TMEM266: variants seen among roughly 807,000 people sequenced by gnomAD.
TMEM266 encodes transmembrane protein 266, also known as Hv1 related protein 1.
Under a neutral mutation model 50.5 loss-of-function variants are expected in TMEM266, and 33 were observed. The ratio of observed to expected loss-of-function variants is 0.65; its 90% CI spans 0.50 to 0.87. TMEM266 has a LOEUF of 0.87. Among genes scored for constraint, TMEM266 ranks in the 40% least tolerant of loss-of-function variants. The pLI, the probability that TMEM266 is intolerant of heterozygous loss-of-function variation, is 0.00. For missense variants in TMEM266, 655 were observed against 695.1 expected, an observed-to-expected ratio of 0.94 and a Z score of 0.65; for synonymous variants, 310 against 292.3, an observed-to-expected ratio of 1.06 and a Z score of -0.62.
chr15:76,103,896 G>A (rs138963084), intron 1 of TMEM266, among the ~76,000 whole-genome samples: 40 of 138,564 alleles, frequency 2.9e-4, no homozygotes, highest in African/African-American at 1.1e-3. Flanking sequence ...TAGCGACGGA[G>A]CGAGACTCCA....
intron 3 of TMEM266, among the ~76,000 whole-genome samples, chr15:76,140,008 C>G (rs1232955717): frequency 6.6e-6 from 1 of 152,248 alleles, no homozygotes; most frequent in Non-Finnish European, 1.5e-5. Flanking sequence ...CCAAGGCTGG[C>G]AGAGGCTTTG....
intron 3 of TMEM266, among the ~76,000 whole-genome samples, chr15:76,140,500 T>C (rs1348149170): frequency 1.3e-5 from 2 of 152,212 alleles, no homozygotes; most frequent in Non-Finnish European, 2.9e-5. Flanking sequence ...GCCAGTGTTA[T>C]GTATAGGAAT....
intron 1 of TMEM266, among the ~76,000 whole-genome samples, chr15:76,075,342 A>T (rs2036590054): frequency 6.6e-6 from 1 of 152,126 alleles, no homozygotes; most frequent in Admixed American, 6.5e-5. Context: ...GGAAATTGAG[A>T]AAGAACATTC....
intron 10 of TMEM266, among the ~76,000 whole-genome samples, chr15:76,203,335 C>T (rs995439087): frequency 3.3e-5 from 5 of 152,182 alleles, no homozygotes. Flanking sequence ...GCCACAAAAG[C>T]CCACTGTAGG....
chr15:76,202,950 C>T (rs1489059468), intron 10 of TMEM266, among the ~76,000 whole-genome samples: 1 of 152,066 alleles, frequency 6.6e-6, no homozygotes, highest in Non-Finnish European at 1.5e-5. Context: ...CATCCCTCTT[C>T]TCTCCTCCCT....
intron 5 of TMEM266, among the ~76,000 whole-genome samples, chr15:76,166,233 CG>C (rs906502247): frequency 6.6e-6 from 1 of 151,520 alleles, no homozygotes; most frequent in Non-Finnish European, 1.5e-5. Flanking sequence ...AAGGATGCTG[CG>C]GGGGGGAAAA....
chr15:76,095,352 T>C (rs1479420178), intron 1 of TMEM266, among the ~76,000 whole-genome samples: 1 of 152,150 alleles, frequency 6.6e-6, no homozygotes, highest in Non-Finnish European at 1.5e-5. Context: ...AAAGGCCTTT[T>C]CTGCATCTAT....
intron 3 of TMEM266, among the ~76,000 whole-genome samples, chr15:76,151,751 C>T (rs1158679452): frequency 6.6e-6 from 1 of 152,150 alleles, no homozygotes; most frequent in Non-Finnish European, 1.5e-5. Context: ...TTGTTCTCAC[C>T]CAAAGCACCT....
In TMEM266 at chr15:76,203,798, A is replaced by C. The variant is rs200903166; in HGVS notation, c.1079A>C (p.His360Pro). The change falls in exon 11 of 11, where the codon CAC becomes CCC. Residue 360 changes from histidine (H) to proline (P), a missense_variant. Transcript: ENST00000388942. ...GTCACCACGGCCGCAATAGACATTC[A>C]CCAGCCCAACATCTCCTCGGACCTC... 1 of 1,614,152 alleles carries C rather than the reference A, an allele frequency of 6.2e-7. No individual in the cohort carries two copies. Among genetic ancestry groups the C allele is most frequent in the Admixed American group, 1.7e-5 (1 of 60,024 alleles).
At chr15:76,086,877 A>G (rs1433561843) in intron 1 of TMEM266, among the ~76,000 whole-genome samples, 2 of 149,706 alleles carry the variant, frequency 1.3e-5, no homozygotes, top group African/African-American at 2.5e-5. Context: ...GAGGGGACCA[A>G]TCAGAGGTAC....
rs1353315028 is a variant in TMEM266 at position 76,191,652 on chromosome 15, C to T, written c.769-316C>T. On this transcript the variant is annotated intron_variant, in intron 8 of 10. Coordinates refer to ENST00000388942, the MANE Select transcript of TMEM266 (RefSeq NM_152335.3). ...GCTAGAACTGAATTTGCACCCAGGG[C>T]TCCTGACTCCCCGTCCAGTGGCCTT... 4 of 293,352 alleles carry T rather than the reference C, an allele frequency of 1.4e-5. No individual in the cohort carries two copies. The Admixed American group carries it at 1.6e-4, about 12-fold the overall frequency. The allele number at this position is 293,352 out of a possible 1,614,324, so 18.2% of individuals were successfully genotyped here. A position where few individuals can be genotyped will look rare whatever the true frequency, so the allele number is the denominator to read the frequency against.
intron 2 of TMEM266, 149 bp from the exon 3 acceptor site, chr15:76,137,558 G>A (rs566493500): frequency 2.0e-5 from 15 of 748,544 alleles, no homozygotes; most frequent in Non-Finnish European, 3.0e-5. Flanking sequence ...CCTCGGGTCC[G>A]CGGGTGGCCA....
chr15:76,141,383 G>A (rs1248437801), intron 3 of TMEM266, among the ~76,000 whole-genome samples: 3 of 151,690 alleles, frequency 2.0e-5, no homozygotes, highest in Admixed American at 6.6e-5. Context: ...TTACAGACGC[G>A]TGCAATCATG....
intron 3 of TMEM266, 59 bp downstream of exon 3, chr15:76,137,954 G>T (rs2037617216): frequency 6.1e-6 from 9 of 1,478,720 alleles, no homozygotes; most frequent in African/African-American, 1.4e-5. Context: ...AGGCGCGGTG[G>T]CTCACGCCTG....
intron 1 of TMEM266, among the ~76,000 whole-genome samples, chr15:76,097,999 C>T (rs1419240045): frequency 2.6e-5 from 4 of 151,994 alleles, no homozygotes; most frequent in Non-Finnish European, 5.9e-5. Context: ...AGGAATTCGT[C>T]TAACCTTTTT....
Position 76,169,342 on chromosome 15 carries a change from G to A in TMEM266, c.457-474G>A, listed in dbSNP as rs186452798. On this transcript the variant is annotated intron_variant, in intron 5 of 10. Transcript: ENST00000388942. The stretch of plus-strand genomic sequence containing the variant: ...AAGGAGGGAGGAGATTTGGGGTCGG[G>A]GAGTGGAGAAGGGAGTCAACTGCGT... Among the ~76,000 whole-genome samples the A allele has an allele frequency of 2.6e-4, 39 of 152,194 alleles. No homozygotes were observed. The East Asian group carries it at 5.0e-3, about 20-fold the overall frequency.
At chr15:76,101,892 C>A (rs2037006421) in intron 1 of TMEM266, among the ~76,000 whole-genome samples, 1 of 152,234 alleles carries the variant, frequency 6.6e-6, no homozygotes, top group African/African-American at 2.4e-5. Context: ...GGACTGCCCT[C>A]CATTGGACGG....
intron 3 of TMEM266, among the ~76,000 whole-genome samples, chr15:76,140,910 A>G (rs1000117433): frequency 6.6e-6 from 1 of 150,888 alleles, no homozygotes; most frequent in African/African-American, 2.4e-5. Flanking sequence ...GGTGGCACGC[A>G]CCTGTCATCC....
At chr15:76,185,800 C>T (rs1433083405) in intron 8 of TMEM266, among the ~76,000 whole-genome samples, 1 of 152,218 alleles carries the variant, frequency 6.6e-6, no homozygotes, top group Admixed American at 6.5e-5. Context: ...GCCCTCAAGA[C>T]AGCAGCAAGC....
Sources: allele counts gnomAD v4.1 joint callset (sites outside exome capture counted in the v4.1 genomes callset), GRCh38; gene constraint gnomAD v4.1.1; transcripts MANE v1.5; gene names NCBI Gene and HGNC (gene_info 2026-07-23, HGNC 2026-07-21).